SLC25A16: variants seen among roughly 807,000 people sequenced by gnomAD.
The protein encoded by SLC25A16 is solute carrier family 25 member 16, also known as mitochondrial coenzyme A transporter SLC25A16.
In SLC25A16, 39 loss-of-function variants were observed where a neutral mutation model predicts 41.5. The observed-to-expected ratio is 0.94, with a 90% CI of 0.73 to 1.23. The LOEUF is 1.23. Among genes scored for constraint, SLC25A16 ranks in the 50% most tolerant of loss-of-function variants. The pLI, the probability that SLC25A16 is intolerant of heterozygous loss-of-function variation, is 0.00. For missense variants in SLC25A16, 421 were observed against 426.9 expected (o/e 0.99, Z 0.12); for synonymous variants, 146 against 147.8 (o/e 0.99, Z 0.09).
chr10:68,515,123 G>A (rs1242923102), intron 2 of SLC25A16, among the ~76,000 whole-genome samples: 4 of 150,270 alleles, frequency 2.7e-5, no homozygotes, highest in East Asian at 2.0e-4. Context: ...TTGGGAGGCC[G>A]AGGCAGGCAG....
At chr10:68,496,576 A>T (rs1302799662) in intron 4 of SLC25A16, 15 of 984,002 alleles carry the variant, frequency 1.5e-5, no homozygotes, top group Non-Finnish European at 1.7e-5. Flanking sequence ...GAATGTGCAA[A>T]CTCTTCTCTT....
chr10:68,521,901 C>CTG (rs1404852295), intron 1 of SLC25A16, among the ~76,000 whole-genome samples: 1 of 151,556 alleles, frequency 6.6e-6, no homozygotes, highest in Non-Finnish European at 1.5e-5. Context: ...CCGGCCATGC[C>CTG]TGTAATCTTA....
intron 4 of SLC25A16, chr10:68,496,374 C>CT: frequency 2.1e-6 from 1 of 477,976 alleles, no homozygotes; most frequent in Non-Finnish European, 2.7e-6. Flanking sequence ...CCTAACACTT[C>CT]TTTTAAGAAG....
At chr10:68,510,592 G>A (rs573025135) in intron 2 of SLC25A16, among the ~76,000 whole-genome samples, 4 of 152,200 alleles carry the variant, frequency 2.6e-5, no homozygotes, top group South Asian at 2.1e-4. Context: ...TATAATCCCA[G>A]CACTTTTGGA....
chr10:68,491,212 T>C (rs1429718172), intron 6 of SLC25A16, among the ~76,000 whole-genome samples: 3 of 149,894 alleles, frequency 2.0e-5, no homozygotes, highest in Non-Finnish European at 4.4e-5. Flanking sequence ...AGTGCACTGT[T>C]TTTTTGTTGT....
rs1410253234 is a variant in SLC25A16 at position 68,482,818 on chromosome 10, C to G, written c.*614G>C. Reference sequence around the variant, plus strand: ...TTCCAGAGTAGCTGGGACCACATGCCCATCCCACCATGTCCAGCTTCTTCA... The same window carrying G: ...TTCCAGAGTAGCTGGGACCACATGCGCATCCCACCATGTCCAGCTTCTTCA... On this transcript the variant is annotated 3_prime_UTR_variant, in exon 9 of 9. Coordinates refer to ENST00000609923, the MANE Select transcript of SLC25A16 (RefSeq NM_152707.4). 1 of 152,056 alleles carries G rather than the reference C, an allele frequency of 6.6e-6. No homozygotes were observed. The highest frequency in any genetic ancestry group is 2.4e-5 in the African/African-American group (1 of 41,398). 9.4% of individuals were successfully genotyped at this position (152,056 alleles called of 1,614,324 possible). A position where few individuals can be genotyped will look rare whatever the true frequency, so the allele number is the denominator to read the frequency against.
chr10:68,518,689 G>C (rs996683490), intron 1 of SLC25A16, among the ~76,000 whole-genome samples: 10 of 149,944 alleles, frequency 6.7e-5, no homozygotes, highest in African/African-American at 2.5e-4. Context: ...CAGAAGAATT[G>C]CATGAACCCA....
chr10:68,508,354 C>G (rs574280910), intron 2 of SLC25A16, among the ~76,000 whole-genome samples: 90 of 143,566 alleles, frequency 6.3e-4, no homozygotes, highest in African/African-American at 2.2e-3. Flanking sequence ...GTCAATTCAT[C>G]GAGAGAACAG....
At chr10:68,497,862 C>T (rs1389106302) in intron 4 of SLC25A16, among the ~76,000 whole-genome samples, 1 of 151,902 alleles carries the variant, frequency 6.6e-6, no homozygotes, top group East Asian at 1.9e-4. Context: ...TGATCCACCC[C>T]AGCTTGACCT....
At chr10:68,496,384 G>C (rs2052750625) in intron 4 of SLC25A16, 1 of 595,988 alleles carries the variant, frequency 1.7e-6, no homozygotes, top group African/African-American at 2.0e-5. Context: ...CTTTTAAGAA[G>C]GCCAAAAAAG....
chr10:68,507,634 ACAT>A (rs2052980883), intron 2 of SLC25A16, among the ~76,000 whole-genome samples: 7 of 152,154 alleles, frequency 4.6e-5, no homozygotes, highest in Admixed American at 4.6e-4. Flanking sequence ...ATATATAGAC[ACAT>A]CTATATATAG....
chr10:68,491,865 T>G (rs894339054), intron 6 of SLC25A16, among the ~76,000 whole-genome samples: 1 of 151,974 alleles, frequency 6.6e-6, no homozygotes, highest in East Asian at 1.9e-4. Context: ...GTCTCACTCT[T>G]TCGCCCAGGC....
At chr10:68,526,180 G>A (rs2053335113) in intron 1 of SLC25A16, among the ~76,000 whole-genome samples, 1 of 151,410 alleles carries the variant, frequency 6.6e-6, no homozygotes, top group South Asian at 2.1e-4. Flanking sequence ...GCCTGTCCCT[G>A]GGCAATGGAA....
Position 68,525,063 on chromosome 10 carries a change from C to CA in SLC25A16, c.130+2182dup, listed in dbSNP as rs932477823. 9.2e-5 allele frequency among the ~76,000 whole-genome samples: 14 copies of CA among 151,600 alleles called. 1 individual carries two copies. In the East Asian group the frequency reaches 2.7e-3, roughly 30 times the overall value. On this transcript the variant is annotated intron_variant, in intron 1 of 8. Transcript: ENST00000609923. ...CTCTGTCTCAAAACAACAACAACAACAAAAAAAACTTAATACTGCTGCAGT... is the reference window on the plus strand; with the variant it reads ...CTCTGTCTCAAAACAACAACAACAACAAAAAAAAACTTAATACTGCTGCAGT...
chr10:68,517,347 G>A (rs907910157), intron 1 of SLC25A16: 10 of 645,624 alleles, frequency 1.5e-5, no homozygotes, highest in East Asian at 1.4e-4. Flanking sequence ...TATGTATTTC[G>A]ACCCTACCAT....
chr10:68,525,184 C>T (rs1417085686), intron 1 of SLC25A16, among the ~76,000 whole-genome samples: 1 of 152,054 alleles, frequency 6.6e-6, no homozygotes, highest in African/African-American at 2.4e-5. Flanking sequence ...GTCACCCAGA[C>T]TGGAGTGCAA....
chr10:68,523,779 T>C (rs2053287216), intron 1 of SLC25A16, among the ~76,000 whole-genome samples: 1 of 152,058 alleles, frequency 6.6e-6, no homozygotes, highest in Non-Finnish European at 1.5e-5. Context: ...CTAGCCTAAA[T>C]GTCATTTTAT....
chr10:68,493,195 CT>C lies in SLC25A16; in HGVS notation c.546del (p.Gly183ValfsTer10). The C allele has an allele frequency of 6.3e-7, 1 of 1,589,704 alleles. No individual in the cohort carries two copies. The highest frequency in any genetic ancestry group is 8.6e-7 in the Non-Finnish European group (1 of 1,169,396). On this transcript the variant is annotated frameshift_variant and splice_region_variant, in exon 6 of 9. Transcript: ENST00000609923. LOFTEE classifies it high-confidence loss of function. ...CCTCTGTAAAATCCAAAGAAACCAC[CT>C]TCCTTTTGAGTGAAGGAAAATTGCA... ...IHAFKTIYAK[E>X]GGFFGFYRGL...
intron 1 of SLC25A16, among the ~76,000 whole-genome samples, chr10:68,518,550 C>A (rs920851506): frequency 1.3e-5 from 2 of 151,460 alleles, no homozygotes; most frequent in Non-Finnish European, 2.9e-5. Context: ...CCGAGGCGGG[C>A]AGATCACGAG....
Sources: allele counts gnomAD v4.1 joint callset (sites outside exome capture counted in the v4.1 genomes callset), GRCh38; gene constraint gnomAD v4.1.1; transcripts MANE v1.5; gene names NCBI Gene and HGNC (gene_info 2026-07-23, HGNC 2026-07-21).